The following GRIP1 variants were observed in gnomAD, a reference collection of about 807,000 sequenced individuals.
The protein encoded by GRIP1 is glutamate receptor-interacting protein 1.
In GRIP1, 45 loss-of-function variants were observed where a neutral mutation model predicts 129.9. That is an observed-to-expected ratio of 0.35 (90% CI 0.27 to 0.44). GRIP1 has a LOEUF of 0.44. Ranked by LOEUF, GRIP1 falls within the 20% of genes least tolerant of loss-of-function variation. GRIP1 has a pLI of 1.00. For missense variants in GRIP1, 1,196 were observed against 1,396.8 expected, an observed-to-expected ratio of 0.86 and a Z score of 2.29; for synonymous variants, 530 against 520.8, an observed-to-expected ratio of 1.02 and a Z score of -0.24.
chr12:66,784,463 G>A (rs184823055), intron 1 of GRIP1, among the ~76,000 whole-genome samples: 4 of 152,236 alleles, frequency 2.6e-5, no homozygotes, highest in African/African-American at 9.6e-5. Flanking sequence ...TGAGAATCAG[G>A]AGTTAGTTAG....
At chr12:66,641,960 A>G (rs1217572889) in intron 1 of GRIP1, among the ~76,000 whole-genome samples, 2 of 152,212 alleles carry the variant, frequency 1.3e-5, no homozygotes, top group African/African-American at 2.4e-5. Context: ...TAAAGATCAT[A>G]GTGTTGTAGA....
intron 1 of GRIP1, among the ~76,000 whole-genome samples, chr12:66,824,118 A>C (rs2039367628): frequency 6.6e-6 from 1 of 152,206 alleles, no homozygotes; most frequent in African/African-American, 2.4e-5. Context: ...ACCGTGGCAG[A>C]GGTAGCCTGA....
At chr12:66,385,699 T>C (rs1213075192) in intron 19 of GRIP1, among the ~76,000 whole-genome samples, 2 of 152,036 alleles carry the variant, frequency 1.3e-5, no homozygotes, top group African/African-American at 4.8e-5. Flanking sequence ...AACCTCCACT[T>C]CCCAGGTTCA....
At chr12:66,639,015 T>C (rs549759332) in intron 1 of GRIP1, among the ~76,000 whole-genome samples, 1 of 152,310 alleles carries the variant, frequency 6.6e-6, no homozygotes, top group South Asian at 2.1e-4. Context: ...CAAATCTAAT[T>C]GCAGTTTAAT....
At chr12:66,427,535 C>T (rs1374084487) in intron 14 of GRIP1, among the ~76,000 whole-genome samples, 1 of 152,084 alleles carries the variant, frequency 6.6e-6, no homozygotes, top group Non-Finnish European at 1.5e-5. Context: ...CAATAGTTTC[C>T]CAAGCAAGTC....
At chr12:66,357,073 C>T (rs7304908) in intron 23 of GRIP1, among the ~76,000 whole-genome samples, 3,842 of 152,156 alleles carry the variant, frequency 0.025, 176 homozygotes, top group African/African-American at 0.086. Context: ...GACAGGGTTT[C>T]GCCATGTTGA....
intron 22 of GRIP1, among the ~76,000 whole-genome samples, chr12:66,375,175 T>C (rs1007352706): frequency 6.6e-6 from 1 of 152,190 alleles, no homozygotes; most frequent in Admixed American, 6.5e-5. Flanking sequence ...TATTAGCTCA[T>C]TATAATTCCC....
chr12:66,845,920 C>T (rs1316119687), intron 1 of GRIP1, among the ~76,000 whole-genome samples: 1 of 152,114 alleles, frequency 6.6e-6, no homozygotes, highest in Admixed American at 6.6e-5. Context: ...TAGTCTAAAC[C>T]TCTACTCCTA....
chr12:67,068,412 T>C (rs2043668481), intron 1 of GRIP1, among the ~76,000 whole-genome samples: 1 of 152,010 alleles, frequency 6.6e-6, no homozygotes, highest in Admixed American at 6.5e-5. Flanking sequence ...CGCTGGGGCA[T>C]AACTCATCTC....
At chr12:66,413,927 C>A (rs113093145) in intron 15 of GRIP1, among the ~76,000 whole-genome samples, 7,310 of 152,026 alleles carry the variant, frequency 0.048, 591 homozygotes, top group African/African-American at 0.17. Flanking sequence ...TCAATAATCT[C>A]GGTATTGAAG....
chr12:66,896,673 A>C (rs997949095), intron 1 of GRIP1, among the ~76,000 whole-genome samples: 1 of 152,150 alleles, frequency 6.6e-6, no homozygotes, highest in African/African-American at 2.4e-5. Context: ...GACATAAAGA[A>C]AGATGTGAAG....
intron 13 of GRIP1, among the ~76,000 whole-genome samples, chr12:66,433,957 T>C (rs550518610): frequency 6.6e-6 from 1 of 152,238 alleles, no homozygotes; most frequent in East Asian, 1.9e-4. Flanking sequence ...GTTAACACAT[T>C]TGAGTCTGTG....
chr12:66,456,953 G>A (rs761579338), intron 9 of GRIP1, among the ~76,000 whole-genome samples: 5 of 151,982 alleles, frequency 3.3e-5, no homozygotes, highest in Non-Finnish European at 5.9e-5. Context: ...ATAAGGAGAA[G>A]ATAAAAGTCT....
chr12:67,059,067 T>C (rs1420117895), intron 1 of GRIP1, among the ~76,000 whole-genome samples: 1 of 152,220 alleles, frequency 6.6e-6, no homozygotes, highest in East Asian at 1.9e-4. Flanking sequence ...GCCCCCTATG[T>C]GGCACATGCC....
At chr12:66,350,369 C>A (rs181078901) in intron 24 of GRIP1, among the ~76,000 whole-genome samples, 2 of 152,060 alleles carry the variant, frequency 1.3e-5, no homozygotes, top group Admixed American at 6.5e-5. Context: ...TGGTGGTGGG[C>A]GCCTGTAATC....
In GRIP1 at chr12:66,583,727, G is replaced by A. The variant is rs1281135372; in HGVS notation, c.136+13120C>T. Among the ~76,000 whole-genome samples, 18 of 138,280 alleles carry A rather than the reference G, an allele frequency of 1.3e-4. 1 individual carries two copies. Among genetic ancestry groups the A allele is most frequent in the Admixed American group, 5.2e-4 (7 of 13,442 alleles). The allele number at this position is 138,280 out of a possible 152,430, so 90.7% of individuals were successfully genotyped here. On this transcript the variant is annotated intron_variant, in intron 2 of 24. Coordinates refer to ENST00000359742, the MANE Select transcript of GRIP1 (RefSeq NM_001366722.1). Reference sequence around the variant, plus strand: ...AGTGATATACCATCTCACACCAGTTGGAATGGCAATCATTAAAAAGTCAGG... The same window carrying A: ...AGTGATATACCATCTCACACCAGTTAGAATGGCAATCATTAAAAAGTCAGG...
chr12:66,391,936 C>A (rs376617349), intron 19 of GRIP1, among the ~76,000 whole-genome samples: 5 of 152,112 alleles, frequency 3.3e-5, no homozygotes, highest in African/African-American at 1.2e-4. Context: ...CTTCCAAACT[C>A]CCCAATCCAT....
intron 7 of GRIP1, among the ~76,000 whole-genome samples, chr12:66,472,325 C>G (rs536105921): frequency 6.6e-6 from 1 of 152,242 alleles, no homozygotes; most frequent in South Asian, 2.1e-4. Flanking sequence ...TTCTAGTAAC[C>G]CCTTGGGATC....
At chr12:66,783,359 T>A (rs2038219445) in intron 1 of GRIP1, among the ~76,000 whole-genome samples, 1 of 152,144 alleles carries the variant, frequency 6.6e-6, no homozygotes, top group Non-Finnish European at 1.5e-5. Flanking sequence ...TATTATAATG[T>A]CATGGGGAAA....
Sources: allele counts gnomAD v4.1 joint callset (sites outside exome capture counted in the v4.1 genomes callset), GRCh38; gene constraint gnomAD v4.1.1; transcripts MANE v1.5; gene names NCBI Gene and HGNC (gene_info 2026-07-23, HGNC 2026-07-21).